TBC1D2: variants seen among roughly 807,000 people sequenced by gnomAD.
TBC1D2 encodes TBC1 domain family member 2A.
TBC1D2 carries 58 observed loss-of-function variants against 91.1 expected under a neutral mutation model. The ratio of observed to expected loss-of-function variants is 0.64; its 90% confidence interval spans 0.52 to 0.79. The LOEUF is 0.79. Ranked by LOEUF, TBC1D2 falls within the 30% of genes least tolerant of loss-of-function variation. The pLI is 0.00. For synonymous variants in TBC1D2, 482 were observed against 511.5 expected (o/e 0.94, Z 0.78); for missense variants, 1,080 against 1,208.3 (o/e 0.89, Z 1.57).
Position 98,228,927 on chromosome 9 carries a change from G to A in TBC1D2, c.978+25C>T. On this transcript the variant is annotated intron_variant, in intron 5 of 12. Coordinates refer to ENST00000465784, the MANE Select transcript of TBC1D2 (RefSeq NM_001267571.2). The surrounding 1 kb of genome is among the most constrained non-coding windows in gnomAD (Gnocchi z 4.0). ...AACTGGAGGGGTCCACTGGAACCTG[G>A]GGCCTCCCTGGGACCAGACCTCACC... 1.9e-6 allele frequency: 3 copies of A among 1,605,608 alleles called. No homozygotes were observed. Among genetic ancestry groups the A allele is most frequent in the Non-Finnish European group, 2.6e-6 (3 of 1,174,372 alleles).
In TBC1D2 at chr9:98,233,410, G is replaced by A. The variant is rs755703518; in HGVS notation, c.781+6C>T. On this transcript the variant is annotated splice_donor_region_variant and intron_variant, in intron 4 of 12. Coordinates refer to ENST00000465784, the MANE Select transcript of TBC1D2 (RefSeq NM_001267571.2). Reference sequence around the variant, plus strand: ...GAAGGCAGCTCAGCCCTGGACAGAGGCTCACCTGGGGTGCTGGCGTCAGAG... The same window carrying A: ...GAAGGCAGCTCAGCCCTGGACAGAGACTCACCTGGGGTGCTGGCGTCAGAG... 11 of 1,613,028 alleles carry A rather than the reference G, an allele frequency of 6.8e-6. No homozygotes were observed. Among genetic ancestry groups the A allele is most frequent in the Admixed American group, 5.0e-5 (3 of 59,918 alleles).
At position 98,232,342 on chromosome 9, in the gene TBC1D2, G is replaced by GTTTTTT. The variant is rs753455224; in HGVS notation, c.781+1068_781+1073dup. Among the ~76,000 whole-genome samples the GTTTTTT allele has an allele frequency of 1.4e-4, 12 of 86,774 alleles. 2 individuals carry two copies. Among genetic ancestry groups the GTTTTTT allele is most frequent in the African/African-American group, 4.6e-4 (10 of 21,970 alleles). The allele number at this position is 86,774 out of a possible 152,430, so 56.9% of individuals were successfully genotyped here. A position where few individuals can be genotyped will look rare whatever the true frequency, so the allele number is the denominator to read the frequency against. On this transcript the variant is annotated intron_variant, in intron 4 of 12. Transcript: ENST00000465784. Reference sequence around the variant, plus strand: ...TTTCTTTTCTTCTTTCTCTTTTTCTGTTTTTTTTTTTGACAGTGTCTCACT... The same window carrying GTTTTTT: ...TTTCTTTTCTTCTTTCTCTTTTTCTGTTTTTTTTTTTTTTTTTGACAGTGTCTCACT...
Position 98,233,449 on chromosome 9 carries a change from C to T in TBC1D2, c.748G>A (p.Glu250Lys). 6.2e-7 allele frequency: 1 copy of T among 1,614,114 alleles called. No individual in the cohort carries two copies. Among genetic ancestry groups the T allele is most frequent in the Non-Finnish European group, 8.5e-7 (1 of 1,179,972 alleles). Residue 250 changes from glutamate (E) to lysine (K), a missense_variant, in exon 4 of 13, where the codon GAG becomes AAG. Physicochemically the swap from Glu to Lys is moderately conservative, Grantham distance 56. Transcript: ENST00000465784. ...SPQSGEPQRE[E>K]QPLASDASTP... ...CTGGCGTCAGAGGCCAAGGGCTGCTCCTCCCTCTGAGGCTCCCCACTCTGT... is the reference window on the plus strand; with the variant it reads ...CTGGCGTCAGAGGCCAAGGGCTGCTTCTCCCTCTGAGGCTCCCCACTCTGT...
chr9:98,238,037 A>G (rs61573565), intron 3 of TBC1D2, among the ~76,000 whole-genome samples: 20,471 of 139,756 alleles, frequency 0.15, 4,045 homozygotes, highest in African/African-American at 0.48. Context: ...CCAAGTAGCT[A>G]GGATTACAGG....
intron 12 of TBC1D2, 39 bp from the exon 13 acceptor site, chr9:98,199,627 C>T (rs780487719): frequency 2.5e-6 from 4 of 1,608,444 alleles, no homozygotes; most frequent in Non-Finnish European, 3.4e-6. Context: ...CACGTCACCC[C>T]ACCTGGCCGG....
intron 2 of TBC1D2, 149 bp from the exon 3 acceptor site, chr9:98,244,278 G>T: frequency 9.8e-7 from 1 of 1,017,138 alleles, no homozygotes; most frequent in Non-Finnish European, 1.4e-6. Flanking sequence ...TAGGTTAACA[G>T]CAGCAAAATA....
chr9:98,251,121 C>A (rs112839417), intron 2 of TBC1D2, among the ~76,000 whole-genome samples: 1 of 151,898 alleles, frequency 6.6e-6, no homozygotes, highest in Non-Finnish European at 1.5e-5. Context: ...CCCATCTCTA[C>A]TAAAAATACA....
intron 9 of TBC1D2, among the ~76,000 whole-genome samples, chr9:98,204,189 G>A (rs1325122915): frequency 6.6e-6 from 1 of 152,126 alleles, no homozygotes; most frequent in Non-Finnish European, 1.5e-5. Flanking sequence ...AATCCAAGAA[G>A]TCATTTTCCA....
intron 8 of TBC1D2, among the ~76,000 whole-genome samples, chr9:98,209,736 T>TCCTTC (rs869097404): frequency 2.0e-5 from 3 of 147,548 alleles, no homozygotes; most frequent in Non-Finnish European, 4.5e-5. Context: ...CTTCCTTCCT[T>TCCTTC]CTTTCCTTTC....
At chr9:98,207,735 A>AGCAGACAC (rs1182135831) in intron 9 of TBC1D2, among the ~76,000 whole-genome samples, 3 of 152,222 alleles carry the variant, frequency 2.0e-5, no homozygotes, top group Non-Finnish European at 4.4e-5. Context: ...GAGAGAAGGA[A>AGCAGACAC]GCAGACACGC....
chr9:98,201,752 C>A, intron 10 of TBC1D2, 88 bp from the exon 11 acceptor site: 1 of 1,359,114 alleles, frequency 7.4e-7, no homozygotes, highest in Non-Finnish European at 9.9e-7. Context: ...AGTCAGTCCA[C>A]ACACAATCCT....
intron 4 of TBC1D2, among the ~76,000 whole-genome samples, chr9:98,232,342 G>GTTTTTTTTTTTTTTTGTT (rs753455224): frequency 1.2e-5 from 1 of 86,774 alleles, no homozygotes; most frequent in African/African-American, 4.6e-5. Flanking sequence ...CTCTTTTTCT[G>GTTTTTTTTTTTTTTTGTT]TTTTTTTTTT....
chr9:98,231,103 A>T (rs1829356904), intron 4 of TBC1D2, among the ~76,000 whole-genome samples: 6 of 152,100 alleles, frequency 3.9e-5, no homozygotes, highest in Admixed American at 2.6e-4. Context: ...CTCTGAGGAC[A>T]GGCAGGGCAG....
chr9:98,208,582 G>T, intron 9 of TBC1D2, 86 bp downstream of exon 9: 1 of 1,387,622 alleles, frequency 7.2e-7, no homozygotes, highest in Non-Finnish European at 9.8e-7. Context: ...ACAGGCCACA[G>T]ATGGCTGCCT....
At chr9:98,225,052 A>C (rs1829198122) in intron 5 of TBC1D2, among the ~76,000 whole-genome samples, 1 of 152,206 alleles carries the variant, frequency 6.6e-6, no homozygotes, top group Non-Finnish European at 1.5e-5. Context: ...GTAAGAGGCT[A>C]TACGTTGCCC....
intron 8 of TBC1D2, 48 bp from the exon 9 acceptor site, chr9:98,209,192 A>T (rs1451236957): frequency 6.4e-7 from 1 of 1,562,922 alleles, no homozygotes; most frequent in Non-Finnish European, 8.7e-7. Context: ...GCCCTTCCCT[A>T]GATAAGGGGT....
Position 98,221,847 on chromosome 9 carries a change from G to C in TBC1D2, c.979-619C>G, listed in dbSNP as rs140998116. Reference sequence around the variant, plus strand: ...GGGCTCAGCTGATCCTCCCACCTTAGCCTCTCAAGTAGCTGGGACCACAGG... The same window carrying C: ...GGGCTCAGCTGATCCTCCCACCTTACCCTCTCAAGTAGCTGGGACCACAGG... On this transcript the variant is annotated intron_variant, in intron 5 of 12. Transcript: ENST00000465784. Among the ~76,000 whole-genome samples the C allele has an allele frequency of 2.7e-3, 418 of 152,222 alleles. 4 individuals are homozygous for C. The highest frequency in any genetic ancestry group is 4.1e-3 in the Non-Finnish European group (277 of 68,016).
At chr9:98,203,182 T>A in intron 10 of TBC1D2, 106 bp downstream of exon 10, 1 of 1,524,930 alleles carries the variant, frequency 6.6e-7, no homozygotes. Flanking sequence ...GAGGGAGAAA[T>A]GGAAGCCCGA....
Position 98,199,293 on chromosome 9 carries a change from C to A in TBC1D2, c.*88G>T, listed in dbSNP as rs1828416320. ...CCAAGGTCACATGGTGATGGGACAC[C>A]CAGGGCTGGGCCACTGGTCCGTGCC... On this transcript the variant is annotated 3_prime_UTR_variant, in exon 13 of 13. Coordinates refer to ENST00000465784, the MANE Select transcript of TBC1D2 (RefSeq NM_001267571.2). The A allele has an allele frequency of 6.8e-7, 1 of 1,461,600 alleles. No homozygotes were observed. The highest frequency in any genetic ancestry group is 1.2e-5 in the South Asian group (1 of 82,758). 90.5% of individuals were successfully genotyped at this position (1,461,600 alleles called of 1,614,324 possible).
Sources: allele counts gnomAD v4.1 joint callset (sites outside exome capture counted in the v4.1 genomes callset), GRCh38; gene constraint gnomAD v4.1.1; non-coding constraint Gnocchi (gnomAD v3.1); transcripts MANE v1.5; gene names NCBI Gene and HGNC (gene_info 2026-07-23, HGNC 2026-07-21).